CDK8: variants seen among roughly 807,000 people sequenced by gnomAD.
CDK8 encodes cyclin-dependent kinase 8.
In CDK8, 29 loss-of-function variants were observed where a neutral mutation model predicts 71.5. The observed-to-expected ratio is 0.41, with a 90% CI of 0.30 to 0.55. The LOEUF (loss-of-function observed/expected upper bound fraction) is 0.55, where lower values mean the gene tolerates loss of function less well. CDK8 is among the 20% of genes least tolerant of loss of function. The pLI is 0.37. For missense variants in CDK8, 288 were observed against 572.6 expected, an observed-to-expected ratio of 0.50 and a Z score of 5.07; for synonymous variants, 161 against 192.1, an observed-to-expected ratio of 0.84 and a Z score of 1.34.
intron 4 of CDK8, among the ~76,000 whole-genome samples, chr13:26,381,342 C>CT: frequency 6.6e-6 from 1 of 152,142 alleles, no homozygotes; most frequent in East Asian, 1.9e-4. Flanking sequence ...ACCACAGAGA[C>CT]TAACCAGTCT....
intron 4 of CDK8, among the ~76,000 whole-genome samples, chr13:26,369,759 T>C (rs1489743062): frequency 2.0e-5 from 3 of 146,874 alleles, no homozygotes; most frequent in Non-Finnish European, 3.0e-5. Flanking sequence ...TGTTTCACCA[T>C]GTTAGCCAGG....
chr13:26,275,867 C>T (rs756558324), intron 1 of CDK8, among the ~76,000 whole-genome samples: 2 of 151,946 alleles, frequency 1.3e-5, no homozygotes, highest in Admixed American at 6.6e-5. Context: ...ATTGCATTGG[C>T]TCTAACTTTT....
At chr13:26,259,095 A>C (rs184293833) in intron 1 of CDK8, among the ~76,000 whole-genome samples, 5 of 152,328 alleles carry the variant, frequency 3.3e-5, no homozygotes, top group African/African-American at 1.2e-4. Flanking sequence ...TGCTGTATCT[A>C]AGTTCATTTT....
At chr13:26,346,797 A>T (rs1873477770) in intron 2 of CDK8, among the ~76,000 whole-genome samples, 1 of 152,270 alleles carries the variant, frequency 6.6e-6, no homozygotes, top group Non-Finnish European at 1.5e-5. Flanking sequence ...TAAAATAATT[A>T]TCACACCAGA....
At chr13:26,295,617 A>G (rs990442890) in intron 1 of CDK8, among the ~76,000 whole-genome samples, 1 of 152,150 alleles carries the variant, frequency 6.6e-6, no homozygotes, top group African/African-American at 2.4e-5. Context: ...TTTCAGATAA[A>G]TATATTTGGG....
chr13:26,344,949 T>G (rs1358791143), intron 2 of CDK8, among the ~76,000 whole-genome samples: 2 of 152,264 alleles, frequency 1.3e-5, no homozygotes, highest in East Asian at 3.9e-4. Flanking sequence ...TTAGAGGCAT[T>G]TATTATCATC....
intron 1 of CDK8, among the ~76,000 whole-genome samples, chr13:26,309,400 A>G (rs1874185639): frequency 6.6e-6 from 1 of 152,106 alleles, no homozygotes; most frequent in Non-Finnish European, 1.5e-5. Flanking sequence ...CGGCCTCCCA[A>G]AGTGCTGGGA....
chr13:26,369,382 G>A (rs1448244093), intron 4 of CDK8, among the ~76,000 whole-genome samples: 1 of 136,696 alleles, frequency 7.3e-6, no homozygotes, highest in Non-Finnish European at 1.5e-5. Context: ...CCAGGAGGCT[G>A]AAGTTGTGGT....
intron 1 of CDK8, among the ~76,000 whole-genome samples, chr13:26,282,449 T>G (rs924455364): frequency 1.3e-5 from 2 of 152,218 alleles, no homozygotes; most frequent in Non-Finnish European, 2.9e-5. Flanking sequence ...CAGCCAAGAA[T>G]TTCATATTGA....
rs1018712667 is a variant in CDK8 at position 26,254,301 on chromosome 13, G to T, written c.-341G>T. The T allele has an allele frequency of 1.1e-5, 3 of 280,902 alleles. No individual in the cohort carries two copies. The highest frequency in any genetic ancestry group is 6.6e-5 in the African/African-American group (3 of 45,618). The allele number at this position is 280,902 out of a possible 1,614,324, so 17.4% of individuals were successfully genotyped here. A position where few individuals can be genotyped will look rare whatever the true frequency, so the allele number is the denominator to read the frequency against. ...TCCCGCCGCAGCAGGAGCAGAACGC[G>T]CGGCCGGAGAGAGCGGCGGAGCCGG... On this transcript the variant is annotated 5_prime_UTR_variant, in exon 1 of 13. Transcript: ENST00000381527. This position sits in a 1 kb window ranked among gnomAD's most constrained non-coding sequence, Gnocchi z 6.7.
At chr13:26,397,940 G>T (rs1876072333) in intron 9 of CDK8, among the ~76,000 whole-genome samples, 1 of 152,110 alleles carries the variant, frequency 6.6e-6, no homozygotes, top group African/African-American at 2.4e-5. Flanking sequence ...GTTGTATTTT[G>T]CTTGGCTTGA....
At chr13:26,281,000 C>G (rs1872723487) in intron 1 of CDK8, among the ~76,000 whole-genome samples, 1 of 152,234 alleles carries the variant, frequency 6.6e-6, no homozygotes, top group Non-Finnish European at 1.5e-5. Flanking sequence ...CTCTGGTGCT[C>G]TCTCAAAACT....
At chr13:26,258,012 G>A (rs188965340) in intron 1 of CDK8, among the ~76,000 whole-genome samples, 175 of 151,974 alleles carry the variant, frequency 1.2e-3, no homozygotes, top group African/African-American at 4.0e-3. Flanking sequence ...GGCAATAATA[G>A]CTAAATTACT....
chr13:26,349,360 A>G (rs1873593655), intron 3 of CDK8, among the ~76,000 whole-genome samples, 178 bp downstream of exon 3: 1 of 152,234 alleles, frequency 6.6e-6, no homozygotes, highest in Non-Finnish European at 1.5e-5. Context: ...ATTACTTTTC[A>G]ATATTGTCAC....
rs201768995 is a variant in CDK8, at chr13:26,385,190, T to G, written c.515-21T>G. 9.5e-6 allele frequency: 15 copies of G among 1,574,854 alleles called. 1 individual carries two copies. In the East Asian group the frequency reaches 3.1e-4, roughly 33 times the overall value. On this transcript the variant is annotated intron_variant, in intron 5 of 12. Transcript: ENST00000381527. ...GTAAAAATCATTTACTTAGCATGAT[T>G]TTTTTTTTATTATTTTACAGCTGAC...
intron 1 of CDK8, among the ~76,000 whole-genome samples, chr13:26,329,685 G>A (rs1456396128): frequency 6.6e-6 from 1 of 151,734 alleles, no homozygotes; most frequent in African/African-American, 2.4e-5. Flanking sequence ...TGTATTTTTT[G>A]TACAGACGGG....
At chr13:26,258,127 G>T (rs1394642186) in intron 1 of CDK8, among the ~76,000 whole-genome samples, 1 of 152,082 alleles carries the variant, frequency 6.6e-6, no homozygotes, top group African/African-American at 2.4e-5. Context: ...CAGTTTTCCA[G>T]TTGAGGAAAC....
In CDK8 at chr13:26,294,212, G is replaced by A. The variant is rs571158357; in HGVS notation, c.128+39443G>A. Among the ~76,000 whole-genome samples, 5 of 151,816 alleles carry A rather than the reference G, an allele frequency of 3.3e-5. No homozygotes were observed. In the South Asian group the frequency reaches 1.0e-3, roughly 32 times the overall value. On this transcript the variant is annotated intron_variant, in intron 1 of 12. Transcript: ENST00000381527. ...AGTGGCAGGATCATAGCTCACTGCA[G>A]CCTCAGACTCCTGCGCTCAAGCAGT...
rs2137973615 is a variant in CDK8 at position 26,337,640 on chromosome 13, G to A, written c.202G>A (p.Ala68Thr). The change falls in exon 2 of 13, where the codon GCA becomes ACA. Residue 68 changes from alanine (A) to threonine (T), a missense_variant and splice_region_variant. Ala to Thr is a moderately conservative substitution (Grantham distance 58). Coordinates refer to ENST00000381527, the MANE Select transcript of CDK8 (RefSeq NM_001260.3). ...CTCTATGTCGGCATGTAGAGAAATA[G>A]CAGTAAGTGAAGTTCTTTTTATCAT... Reference protein sequence around the residue: ...GISMSACREIALLRELKHPNV... With the variant: ...GISMSACREITLLRELKHPNV... 1 of 1,414,418 alleles carries A rather than the reference G, an allele frequency of 7.1e-7. No homozygotes were observed. Among genetic ancestry groups the A allele is most frequent in the Non-Finnish European group, 9.3e-7 (1 of 1,072,056 alleles). The allele number at this position is 1,414,418 out of a possible 1,614,324, so 87.6% of individuals were successfully genotyped here. A position where few individuals can be genotyped will look rare whatever the true frequency, so the allele number is the denominator to read the frequency against.
Sources: gnomAD v4.1 joint callset for allele counts (sites outside exome capture counted in the v4.1 genomes callset) on GRCh38, gnomAD v4.1.1 for gene constraint, Gnocchi (gnomAD v3.1) non-coding constraint, MANE v1.5 for transcripts, NCBI Gene and HGNC (gene_info 2026-07-23, HGNC 2026-07-21) for gene names.